The following ZNF841 variants were observed in gnomAD, a reference collection of about 807,000 sequenced individuals.
ZNF841 encodes the protein TCONS_00006091.
A neutral mutation model predicts 13.0 loss-of-function variants in ZNF841; 11 were observed. That is an observed-to-expected ratio of 0.85 (90% CI 0.53 to 1.40). The LOEUF (loss-of-function observed/expected upper bound fraction) is 1.40. Among genes scored for constraint, ZNF841 ranks in the 40% most tolerant of loss-of-function variants. The pLI, the probability that ZNF841 is intolerant of heterozygous loss-of-function variation, is 0.00. For synonymous variants in ZNF841, 369 were observed against 381.6 expected (o/e 0.97, Z 0.38); for missense variants, 1,068 against 1,139.5 (o/e 0.94, Z 0.90).
Position 52,066,968 on chromosome 19 carries a change from G to A in ZNF841, c.914C>T (p.Thr305Ile), listed in dbSNP as rs1015478352. 3 of 1,614,020 alleles carry A rather than the reference G, an allele frequency of 1.9e-6. No homozygotes were observed. Among genetic ancestry groups the A allele is most frequent in the African/African-American group, 1.3e-5 (1 of 74,932 alleles). The change falls in exon 7 of 7, where the codon ACA (threonine) becomes ATA (isoleucine). Residue 305 changes from threonine (T) to isoleucine (I), a missense_variant. Thr to Ile is a moderately conservative substitution (Grantham distance 89, BLOSUM62 -1). Coordinates refer to ENST00000594440, the MANE Select transcript of ZNF841 (RefSeq NM_001136499.2). ...GKAFHRGSLL[T>I]VHQIVHTRGK... is the part of the protein sequence containing the mutation. ...TCTTGTATGGACTATCTGATGTACT[G>A]TTAGTAGTGAGCCCCGATGAAAGGC...
chr19:52,065,144 G>A lies in ZNF841; in HGVS notation c.2738C>T (p.Pro913Leu), dbSNP rs769211631. 17 of 1,560,418 alleles carry A rather than the reference G, an allele frequency of 1.1e-5. No homozygotes were observed. The highest frequency in any genetic ancestry group is 1.7e-4 in the Middle Eastern group (1 of 5,806). The change falls in exon 7 of 7, where the codon CCG (proline) becomes CTG (leucine). Residue 913 changes from proline (P) to leucine (L), a missense_variant. Pro to Leu is a moderately conservative substitution (Grantham distance 98). Transcript: ENST00000594440. ...CCCAGAGGTTAGGACAACATCTAAC[G>A]GCCTTTCCACATTGAGTTTAGTTGT... ...NLTTKLNVERPLDVVLTSGIP... is the reference protein window; with the variant it reads ...NLTTKLNVERLLDVVLTSGIP...
chr19:52,059,408 C>G, the ZNF841 span, among the ~76,000 whole-genome samples: 5 of 127,126 alleles, frequency 3.9e-5, no homozygotes, highest in African/African-American at 1.6e-4. Context: ...CACACACACA[C>G]ACAGAGAAAT....
rs1406928542 is a variant in ZNF841 at position 52,067,222 on chromosome 19, A to C, written c.660T>G (p.Ala220=). Residue 220 remains alanine (A), a synonymous_variant, in exon 7 of 7, where the codon GCT becomes GCG. Transcript: ENST00000594440. ...IERTVNNCFL[A]SPLQRIFPGV... Reference sequence around the variant, plus strand: ...CAGGAAAAATTCTTTGAAGTGGTGAAGCTAAAAAACAATTATTAACTGTCC... The same window carrying C: ...CAGGAAAAATTCTTTGAAGTGGTGACGCTAAAAAACAATTATTAACTGTCC... The C allele has an allele frequency of 6.5e-7, 1 of 1,549,798 alleles. No individual in the cohort carries two copies. Among genetic ancestry groups the C allele is most frequent in the African/African-American group, 1.4e-5 (1 of 72,942 alleles).
intron 4 of ZNF841, among the ~76,000 whole-genome samples, chr19:52,077,300 T>C (rs544896886): frequency 1.1e-4 from 16 of 152,352 alleles, no homozygotes; most frequent in Admixed American, 1.0e-3. Flanking sequence ...CATTTCTCAC[T>C]TTTGTGGACA....
At chr19:52,086,048 G>A (rs1046226723) in intron 3 of ZNF841, among the ~76,000 whole-genome samples, 23 of 152,182 alleles carry the variant, frequency 1.5e-4, no homozygotes, top group Admixed American at 6.5e-5. Context: ...GTGAGTTCAG[G>A]CAATCACTTT....
In ZNF841 at chr19:52,067,478, C is replaced by A; in HGVS notation, c.404G>T (p.Arg135Leu). The A allele has an allele frequency of 6.4e-7, 1 of 1,561,704 alleles. No individual in the cohort carries two copies. The highest frequency in any genetic ancestry group is 1.9e-5 in the Admixed American group (1 of 51,932). Reference protein sequence around the residue: ...DTENFYFREIRKNLQEVDFQW... With the variant: ...DTENFYFREILKNLQEVDFQW... ...AAAGTCAACTTCCTGTAGATTTTTCCGGATTTCCCTGAAGTAAAAATTTTC... is the reference window on the plus strand; with the variant it reads ...AAAGTCAACTTCCTGTAGATTTTTCAGGATTTCCCTGAAGTAAAAATTTTC... Residue 135 changes from arginine (R) to leucine (L), a missense_variant, in exon 7 of 7, where the codon CGG becomes CTG. Coordinates refer to ENST00000594440, the MANE Select transcript of ZNF841 (RefSeq NM_001136499.2).
chr19:52,072,601 G>T (rs2087770535), intron 6 of ZNF841, among the ~76,000 whole-genome samples: 1 of 152,074 alleles, frequency 6.6e-6, no homozygotes, highest in African/African-American at 2.4e-5. Context: ...CAGCAATTTG[G>T]GTGGCTGAGG....
intron 1 of ZNF841, among the ~76,000 whole-genome samples, chr19:52,094,938 T>C (rs914957170): frequency 1.3e-5 from 2 of 152,158 alleles, no homozygotes; most frequent in African/African-American, 4.8e-5. Flanking sequence ...TCTTTGCAAG[T>C]CCCTAAAGTA....
At chr19:52,077,989 C>T (rs1419245543) in intron 4 of ZNF841, among the ~76,000 whole-genome samples, 3 of 152,158 alleles carry the variant, frequency 2.0e-5, no homozygotes, top group African/African-American at 7.2e-5. Flanking sequence ...TAACTTGGAA[C>T]CGCATAAAGG....
At chr19:52,068,668 C>CA (rs1244178282) in intron 6 of ZNF841, among the ~76,000 whole-genome samples, 16,695 of 90,002 alleles carry the variant, frequency 0.19, 1,245 homozygotes, top group African/African-American at 0.25. Context: ...AGAGCAGTCT[C>CA]AAAAAAAAAA....
At chr19:52,072,108 G>A (rs2087753912) in intron 6 of ZNF841, among the ~76,000 whole-genome samples, 1 of 152,076 alleles carries the variant, frequency 6.6e-6, no homozygotes, top group African/African-American at 2.4e-5. Context: ...GACAAAGAAG[G>A]GCATTATATA....
intron 2 of ZNF841, among the ~76,000 whole-genome samples, chr19:52,092,742 C>T (rs752476451): frequency 4.6e-5 from 7 of 152,224 alleles, no homozygotes; most frequent in East Asian, 1.9e-4. Context: ...GAAGCTGAGG[C>T]GACAAGATCA....
At chr19:52,071,114 A>G (rs1290708468) in intron 6 of ZNF841, among the ~76,000 whole-genome samples, 8 of 152,222 alleles carry the variant, frequency 5.3e-5, no homozygotes, top group Non-Finnish European at 1.0e-4. Flanking sequence ...TAATACTTAA[A>G]CATGAGAATT....
At chr19:52,094,209 C>G (rs1174040335) in intron 1 of ZNF841, 5 of 152,152 alleles carry the variant, frequency 3.3e-5, no homozygotes, top group Non-Finnish European at 7.3e-5. Context: ...ATACAAAATG[C>G]ACAAGGCTTA....
chr19:52,075,527 G>C (rs902493718), intron 6 of ZNF841, among the ~76,000 whole-genome samples: 8 of 152,198 alleles, frequency 5.3e-5, no homozygotes, highest in Non-Finnish European at 1.0e-4. Context: ...GGCAGAGAGG[G>C]CTGAAGATAG....
At position 52,095,599 on chromosome 19, in the gene ZNF841, T is replaced by C. The variant is rs916906438; in HGVS notation, c.-294A>G. On this transcript the variant is annotated 5_prime_UTR_variant, in exon 1 of 7. The change creates a new upstream start codon in the 5' untranslated region. Coordinates refer to ENST00000594440, the MANE Select transcript of ZNF841 (RefSeq NM_001136499.2). Reference sequence around the variant, plus strand: ...CTTGGGACGAAGGGGCTGTTGCGGGTATTTTAAGGTCCGTAGCGATCCCCA... The same window carrying C: ...CTTGGGACGAAGGGGCTGTTGCGGGCATTTTAAGGTCCGTAGCGATCCCCA... 8 of 152,216 alleles carry C rather than the reference T, an allele frequency of 5.3e-5. No homozygotes were observed. Among genetic ancestry groups the C allele is most frequent in the African/African-American group, 1.9e-4 (8 of 41,412 alleles). 9.4% of individuals were successfully genotyped at this position (152,216 alleles called of 1,614,324 possible).
Position 52,065,984 on chromosome 19 carries a change from A to G in ZNF841, c.1898T>C (p.Val633Ala), listed in dbSNP as rs551604829. The change falls in exon 7 of 7, where the codon GTC (valine) becomes GCC (alanine). Residue 633 changes from valine to alanine, a missense_variant. Coordinates refer to ENST00000594440, the MANE Select transcript of ZNF841 (RefSeq NM_001136499.2). ...TGCTAGGCATGAGTAGTAACTGAAG[A>G]CCTTGCCGCATTCGTTACACTGGAA... ...KPFQCNECGKVFSYYSCLARH... is the reference protein window; with the variant it reads ...KPFQCNECGKAFSYYSCLARH... The G allele has an allele frequency of 1.7e-5, 28 of 1,613,956 alleles. No individual in the cohort carries two copies. In the Admixed American group the frequency reaches 4.0e-4, roughly 23 times the overall value.
chr19:52,062,193 A>ACTCC (rs1349853377), downstream of ZNF841, among the ~76,000 whole-genome samples: 1 of 152,194 alleles, frequency 6.6e-6, no homozygotes, highest in East Asian at 1.9e-4. Flanking sequence ...CAGCCTGGGC[A>ACTCC]ACAGGGTGGT....
At chr19:52,092,409 C>T (rs1011244548) in intron 2 of ZNF841, among the ~76,000 whole-genome samples, 8 of 152,064 alleles carry the variant, frequency 5.3e-5, no homozygotes, top group Admixed American at 3.3e-4. Context: ...GATCACTAAT[C>T]ATCAGAGGAA....
Sources: allele counts gnomAD v4.1 joint callset (sites outside exome capture counted in the v4.1 genomes callset), GRCh38; gene constraint gnomAD v4.1.1; transcripts MANE v1.5; gene names NCBI Gene and HGNC (gene_info 2026-07-23, HGNC 2026-07-21).